Variants in SZRD1 observed in about 807,000 individuals in gnomAD.
SZRD1 encodes SUZ RNA binding domain containing 1.
In SZRD1, 7 loss-of-function variants were observed where a neutral mutation model predicts 17.6. The observed-to-expected ratio is 0.40, with a 90% CI of 0.23 to 0.75. SZRD1 has a LOEUF of 0.75. Ranked by LOEUF, SZRD1 falls within the 30% of genes least tolerant of loss-of-function variation. The pLI is 0.38. For missense variants in SZRD1, 178 were observed against 201.8 expected (o/e 0.88, Z 0.71); for synonymous variants, 77 against 77.9 (o/e 0.99, Z 0.06).
rs1418315584 is a variant in SZRD1, at chr1:16,367,252, A to G, written c.-6A>G. On this transcript the variant is annotated 5_prime_UTR_variant, in exon 1 of 4. Coordinates refer to ENST00000401088, the MANE Select transcript of SZRD1 (RefSeq NM_001114600.3). ...GGGTGGGGGAGGAGGGAAAGCGGCGAGTAAGATGGAAGATGAGGAGGTCGC... is the reference window on the plus strand; with the variant it reads ...GGGTGGGGGAGGAGGGAAAGCGGCGGGTAAGATGGAAGATGAGGAGGTCGC... The G allele has an allele frequency of 1.9e-6, 3 of 1,548,196 alleles. No homozygotes were observed. The highest frequency in any genetic ancestry group is 1.7e-6 in the Non-Finnish European group (2 of 1,146,300).
intron 1 of SZRD1, among the ~76,000 whole-genome samples, chr1:16,376,978 G>A (rs950890791): frequency 2.6e-5 from 4 of 152,048 alleles, no homozygotes; most frequent in Admixed American, 2.0e-4. Flanking sequence ...TAGCCGGCAG[G>A]ATTTTTAAAT....
Position 16,395,431 on chromosome 1 carries a change from C to G in SZRD1, c.*291C>G, listed in dbSNP as rs188537893. 5 of 440,272 alleles carry G rather than the reference C, an allele frequency of 1.1e-5. No individual in the cohort carries two copies. Among genetic ancestry groups the G allele is most frequent in the African/African-American group, 9.9e-5 (5 of 50,374 alleles). 27.3% of individuals were successfully genotyped at this position (440,272 alleles called of 1,614,324 possible). The stretch of plus-strand genomic sequence containing the variant: ...AGGTTGGGGGGACCCAGCAAGGACT[C>G]AGAGAGTCAGACAGTGCCACTTGGC... On this transcript the variant is annotated 3_prime_UTR_variant, in exon 4 of 4. Transcript: ENST00000401088.
At chr1:16,387,562 G>T (rs753422530) in intron 1 of SZRD1, 2 of 456,720 alleles carry the variant, frequency 4.4e-6, no homozygotes, top group South Asian at 3.1e-5. Context: ...GCTCTTTGGT[G>T]CCCTGCAGCC....
chr1:16,372,945 T>C (rs982771337), intron 1 of SZRD1, among the ~76,000 whole-genome samples: 1 of 152,238 alleles, frequency 6.6e-6, no homozygotes, highest in Admixed American at 6.5e-5. Context: ...AAGAAGACGA[T>C]GCCTAAGTTA....
intron 1 of SZRD1, chr1:16,387,225 A>G (rs1001353899): frequency 5.1e-5 from 23 of 447,562 alleles, no homozygotes; most frequent in African/African-American, 4.5e-4. Flanking sequence ...ATGGCCTACG[A>G]TGTCCTCTTG....
chr1:16,382,251 G>T (rs527434077), intron 1 of SZRD1, among the ~76,000 whole-genome samples: 6 of 147,724 alleles, frequency 4.1e-5, no homozygotes, highest in Non-Finnish European at 9.0e-5. Flanking sequence ...GCAGTGGCCC[G>T]ATCTCAGCTC....
At chr1:16,389,191 C>T (rs1414360255) in intron 1 of SZRD1, among the ~76,000 whole-genome samples, 4 of 150,268 alleles carry the variant, frequency 2.7e-5, no homozygotes, top group Non-Finnish European at 5.9e-5. Context: ...TCACGCCATC[C>T]TCCTGCCTCA....
chr1:16,395,266 T>C lies in SZRD1; in HGVS notation c.*126T>C. The C allele has an allele frequency of 1.4e-6, 1 of 732,448 alleles. No homozygotes were observed. Among genetic ancestry groups the C allele is most frequent in the Non-Finnish European group, 2.5e-6 (1 of 399,822 alleles). 45.4% of individuals were successfully genotyped at this position (732,448 alleles called of 1,614,324 possible). ...GGAACGACCTGACTTACTTGCACTG[T>C]GATCCCCCTTGCTCCGCCCACTGTG... On this transcript the variant is annotated 3_prime_UTR_variant, in exon 4 of 4. Coordinates refer to ENST00000401088, the MANE Select transcript of SZRD1 (RefSeq NM_001114600.3).
chr1:16,388,942 C>T (rs1444199536), intron 1 of SZRD1, among the ~76,000 whole-genome samples: 2 of 152,156 alleles, frequency 1.3e-5, no homozygotes, highest in South Asian at 2.1e-4. Flanking sequence ...GCCACTGTCA[C>T]TGTGCCTGGC....
chr1:16,386,588 G>A (rs963705227), intron 1 of SZRD1, among the ~76,000 whole-genome samples: 1 of 152,192 alleles, frequency 6.6e-6, no homozygotes, highest in African/African-American at 2.4e-5. Flanking sequence ...TACCTGGACA[G>A]ACTCCAGAGG....
intron 1 of SZRD1, among the ~76,000 whole-genome samples, chr1:16,383,384 CTAA>C (rs1390660340): frequency 6.6e-6 from 1 of 151,786 alleles, no homozygotes; most frequent in East Asian, 1.9e-4. Context: ...CCATGCCCAG[CTAA>C]TTTTTTATTT....
At chr1:16,373,822 C>T (rs1455844444) in intron 1 of SZRD1, among the ~76,000 whole-genome samples, 3 of 152,052 alleles carry the variant, frequency 2.0e-5, no homozygotes, top group South Asian at 2.1e-4. Flanking sequence ...ATGTTGGTCT[C>T]GAATGCCTGA....
chr1:16,385,250 A>G lies in SZRD1; in HGVS notation c.52-6125A>G, dbSNP rs186399425. Reference sequence around the variant, plus strand: ...TCTTTTGGCTTGTATACTGAGGCACAGAGTGGGGAGGCCTGCTGTCCTTGG... The same window carrying G: ...TCTTTTGGCTTGTATACTGAGGCACGGAGTGGGGAGGCCTGCTGTCCTTGG... On this transcript the variant is annotated intron_variant, in intron 1 of 3. Transcript: ENST00000401088. 2.9e-3 allele frequency among the ~76,000 whole-genome samples: 448 copies of G among 152,246 alleles called. 3 individuals carry two copies. The highest frequency in any genetic ancestry group is 0.01 in the African/African-American group (427 of 41,550).
At chr1:16,386,868 A>G (rs2085134022) in intron 1 of SZRD1, among the ~76,000 whole-genome samples, 1 of 151,954 alleles carries the variant, frequency 6.6e-6, no homozygotes, top group Non-Finnish European at 1.5e-5. Context: ...GATGACCAAT[A>G]TCTAATGGTT....
chr1:16,372,109 C>CT (rs1226259640), intron 1 of SZRD1, among the ~76,000 whole-genome samples: 1 of 152,022 alleles, frequency 6.6e-6, no homozygotes, highest in East Asian at 1.9e-4. Flanking sequence ...ATGGCAAACA[C>CT]TTTTTTCTTT....
chr1:16,386,807 G>A (rs570594865), intron 1 of SZRD1, among the ~76,000 whole-genome samples: 1 of 152,140 alleles, frequency 6.6e-6, no homozygotes, highest in Non-Finnish European at 1.5e-5. Context: ...AGTGGAGTTG[G>A]ATGAGAGTTG....
intron 1 of SZRD1, among the ~76,000 whole-genome samples, chr1:16,373,045 G>A (rs939183269): frequency 2.0e-5 from 3 of 152,056 alleles, no homozygotes; most frequent in Admixed American, 6.6e-5. Flanking sequence ...TGAGGAGGCC[G>A]AGAGACAAAT....
intron 1 of SZRD1, among the ~76,000 whole-genome samples, chr1:16,385,684 A>AC (rs1349907463): frequency 1.3e-5 from 2 of 151,660 alleles, no homozygotes; most frequent in African/African-American, 4.9e-5. Flanking sequence ...GTTTGAGGTG[A>AC]CCCCTTCCCT....
At chr1:16,367,377 G>A in intron 1 of SZRD1, 69 bp downstream of exon 1, 1 of 1,441,430 alleles carries the variant, frequency 6.9e-7, no homozygotes, top group Non-Finnish European at 9.5e-7. Context: ...TCCGGGGAGC[G>A]GGTCTGGAGA....
Sources: gnomAD v4.1 joint callset for allele counts (sites outside exome capture counted in the v4.1 genomes callset) on GRCh38, gnomAD v4.1.1 for gene constraint, MANE v1.5 for transcripts, NCBI Gene and HGNC (gene_info 2026-07-23, HGNC 2026-07-21) for gene names.